The following IARS2 variants were observed in gnomAD, a reference collection of about 807,000 sequenced individuals.
IARS2 encodes isoleucine--tRNA ligase, mitochondrial.
IARS2 carries 56 observed loss-of-function variants against 126.3 expected under a neutral mutation model. The ratio of observed to expected loss-of-function variants is 0.44; its 90% CI spans 0.36 to 0.55. The LOEUF (loss-of-function observed/expected upper bound fraction) is 0.55. IARS2 is among the 20% of genes least tolerant of loss of function. The probability of loss-of-function intolerance (pLI) is 0.00; values close to 1 mark genes in which losing one functional copy is unlikely to be tolerated. For missense variants in IARS2, 1,127 were observed against 1,245.9 expected, an observed-to-expected ratio of 0.90 and a Z score of 1.44; for synonymous variants, 407 against 441.1, an observed-to-expected ratio of 0.92 and a Z score of 0.97.
intron 5 of IARS2, 37 bp downstream of exon 5, chr1:220,102,449 T>G: frequency 6.2e-7 from 1 of 1,611,114 alleles, no homozygotes; most frequent in Non-Finnish European, 8.5e-7. Flanking sequence ...AAGGGAGAAA[T>G]TTGTGAGGCT....
chr1:220,131,592 T>C (rs1385518100), intron 14 of IARS2, among the ~76,000 whole-genome samples: 1 of 152,076 alleles, frequency 6.6e-6, no homozygotes, highest in Non-Finnish European at 1.5e-5. Flanking sequence ...CCTCAGGCGA[T>C]CTGTCCGCCT....
chr1:220,138,642 C>G (rs1172179012), intron 17 of IARS2, among the ~76,000 whole-genome samples: 2 of 151,604 alleles, frequency 1.3e-5, no homozygotes, highest in Admixed American at 6.6e-5. Context: ...ACTCAATAAC[C>G]TTTCACATTT....
At chr1:220,142,306 C>T (rs971516355) in intron 20 of IARS2, among the ~76,000 whole-genome samples, 1 of 152,132 alleles carries the variant, frequency 6.6e-6, no homozygotes, top group African/African-American at 2.4e-5. Context: ...CAAAATTAGC[C>T]AGGCCAACAT....
Position 220,145,497 on chromosome 1 carries a change from G to A in IARS2, c.2752-12G>A. 1 of 1,587,486 alleles carries A rather than the reference G, an allele frequency of 6.3e-7. No individual in the cohort carries two copies. Among genetic ancestry groups the A allele is most frequent in the East Asian group, 2.2e-5 (1 of 44,456 alleles). On this transcript the variant is annotated splice_polypyrimidine_tract_variant and intron_variant, in intron 21 of 22. Coordinates refer to ENST00000366922, the MANE Select transcript of IARS2 (RefSeq NM_018060.4). Reference sequence around the variant, plus strand: ...TTAACATAAACTGTAACTTTCACATGCTTCCTTCCAGATGCTGCAGTCTGA... The same window carrying A: ...TTAACATAAACTGTAACTTTCACATACTTCCTTCCAGATGCTGCAGTCTGA...
At chr1:220,143,937 G>C in intron 21 of IARS2, 2 of 1,153,626 alleles carry the variant, frequency 1.7e-6, no homozygotes, top group Non-Finnish European at 2.5e-6. Flanking sequence ...CATTTTATTT[G>C]TAAATATATG....
intron 21 of IARS2, among the ~76,000 whole-genome samples, 197 bp from the exon 22 acceptor site, chr1:220,145,312 A>C (rs1218886872): frequency 6.6e-6 from 1 of 152,204 alleles, no homozygotes; most frequent in African/African-American, 2.4e-5. Context: ...ATTCTCAATA[A>C]ATACTGTTGA....
chr1:220,108,449 C>A (rs559640566), intron 10 of IARS2, among the ~76,000 whole-genome samples: 9 of 150,464 alleles, frequency 6.0e-5, no homozygotes, highest in Admixed American at 3.3e-4. Flanking sequence ...TACAGTGGCA[C>A]GATCTTGGCT....
At chr1:220,105,676 T>A (rs1009546323) in intron 8 of IARS2, among the ~76,000 whole-genome samples, 5 of 152,176 alleles carry the variant, frequency 3.3e-5, no homozygotes, top group African/African-American at 4.8e-5. Flanking sequence ...TAACTCTGTT[T>A]ATTCTCACAG....
Position 220,125,298 on chromosome 1 carries a change from C to G in IARS2, c.1702C>G (p.Leu568Val). The change falls in exon 13 of 23, where the codon CTT (leucine) becomes GTT (valine). Residue 568 changes from leucine to valine, a missense_variant. By Grantham distance (32) the Leu-to-Val change is conservative. Transcript: ENST00000366922. ...ACACGGCAGTGATATCTGGTGGACT[C>G]TTCCCCCTGAACAACTTCTTCCAAA... ...EQHGSDIWWT[L>V]PPEQLLPKEV... 1 of 1,613,770 alleles carries G rather than the reference C, an allele frequency of 6.2e-7. No homozygotes were observed. The highest frequency in any genetic ancestry group is 1.3e-5 in the African/African-American group (1 of 75,034).
Position 220,112,203 on chromosome 1 carries a change from C to T in IARS2, c.1479+1266C>T, listed in dbSNP as rs1305609302. On this transcript the variant is annotated intron_variant, in intron 11 of 22. Coordinates refer to ENST00000366922, the MANE Select transcript of IARS2 (RefSeq NM_018060.4). Reference sequence around the variant, plus strand: ...ACTGCGGACTGCAGTGGCGCAATCTCGGCTCACTGCAAGCTCCGCTTCCCG... The same window carrying T: ...ACTGCGGACTGCAGTGGCGCAATCTTGGCTCACTGCAAGCTCCGCTTCCCG... Among the ~76,000 whole-genome samples the T allele has an allele frequency of 6.5e-5, 4 of 61,494 alleles. 1 individual carries two copies. The Admixed American group carries it at 6.6e-4, about 10-fold the overall frequency. The allele number at this position is 61,494 out of a possible 152,430, so 40.3% of individuals were successfully genotyped here.
chr1:220,126,854 A>G lies in IARS2; in HGVS notation c.1837+11A>G. ...CTTATGTTCTTCCAGGTAATTCTTAAAAATAGATATATGCCGATCAAGAAG... is the reference window on the plus strand; with the variant it reads ...CTTATGTTCTTCCAGGTAATTCTTAGAAATAGATATATGCCGATCAAGAAG... On this transcript the variant is annotated intron_variant, in intron 14 of 22. Transcript: ENST00000366922. 2.5e-6 allele frequency: 4 copies of G among 1,572,044 alleles called. No homozygotes were observed. The highest frequency in any genetic ancestry group is 3.5e-6 in the Non-Finnish European group (4 of 1,148,790).
In IARS2 at chr1:220,094,134, T is replaced by C; in HGVS notation, c.-83T>C. 1.8e-6 allele frequency: 2 copies of C among 1,132,300 alleles called. No individual in the cohort carries two copies. Among genetic ancestry groups the C allele is most frequent in the Non-Finnish European group, 2.2e-6 (2 of 894,262 alleles). 70.1% of individuals were successfully genotyped at this position (1,132,300 alleles called of 1,614,324 possible). Reference sequence around the variant, plus strand: ...TCCCGGAGCGCGTGCGCCCTCTTACTCGGCTCCCCTTGGTTTCCTGGGGTC... The same window carrying C: ...TCCCGGAGCGCGTGCGCCCTCTTACCCGGCTCCCCTTGGTTTCCTGGGGTC... On this transcript the variant is annotated 5_prime_UTR_variant, in exon 1 of 23. Coordinates refer to ENST00000366922, the MANE Select transcript of IARS2 (RefSeq NM_018060.4).
intron 19 of IARS2, among the ~76,000 whole-genome samples, chr1:220,140,625 A>G (rs1047575931): frequency 6.6e-6 from 1 of 151,680 alleles, no homozygotes; most frequent in Non-Finnish European, 1.5e-5. Context: ...TTGAGTGTCT[A>G]CTTGTGTTTG....
In IARS2 at chr1:220,147,897, A is replaced by C; in HGVS notation, c.*262A>C. ...TGTATATCTCTTCCTATATATATCC[A>C]TAGTGGACTTATTCAGAACATAGAT... On this transcript the variant is annotated 3_prime_UTR_variant, in exon 23 of 23. Transcript: ENST00000366922. The C allele has an allele frequency of 2.3e-6, 1 of 436,928 alleles. No homozygotes were observed. The allele number at this position is 436,928 out of a possible 1,614,324, so 27.1% of individuals were successfully genotyped here.
At chr1:220,132,805 C>T (rs1303205559) in intron 14 of IARS2, among the ~76,000 whole-genome samples, 2 of 152,028 alleles carry the variant, frequency 1.3e-5, no homozygotes, top group African/African-American at 2.4e-5. Flanking sequence ...ATTTTACAGG[C>T]GTGAGCCACC....
intron 5 of IARS2, 40 bp downstream of exon 5, chr1:220,102,452 G>A (rs370306595): frequency 1.2e-6 from 2 of 1,610,902 alleles, no homozygotes; most frequent in Non-Finnish European, 1.7e-6. Flanking sequence ...GGAGAAATTT[G>A]TGAGGCTTCC....
intron 13 of IARS2, 137 bp downstream of exon 13, chr1:220,125,476 G>T: frequency 1.7e-6 from 1 of 602,474 alleles, no homozygotes; most frequent in Non-Finnish European, 2.9e-6. Flanking sequence ...AGCTAATGCA[G>T]TGTGAAAGTA....
At chr1:220,130,485 A>T (rs923292274) in intron 14 of IARS2, among the ~76,000 whole-genome samples, 1 of 152,124 alleles carries the variant, frequency 6.6e-6, no homozygotes, top group Non-Finnish European at 1.5e-5. Context: ...TAGTAGTTTC[A>T]TAGTTGGGGG....
At chr1:220,145,221 A>T (rs1420351890) in intron 21 of IARS2, among the ~76,000 whole-genome samples, 1 of 152,204 alleles carries the variant, frequency 6.6e-6, no homozygotes, top group Non-Finnish European at 1.5e-5. Context: ...AATAAACACC[A>T]TATAGGTTTT....
Sources: gnomAD v4.1 joint callset for allele counts (sites outside exome capture counted in the v4.1 genomes callset) on GRCh38, gnomAD v4.1.1 for gene constraint, MANE v1.5 for transcripts, NCBI Gene and HGNC (gene_info 2026-07-23, HGNC 2026-07-21) for gene names.